ANKS1B: variants seen among roughly 807,000 people sequenced by gnomAD.
ANKS1B encodes ankyrin repeat and sterile alpha motif domain containing 1B.
In ANKS1B, 36 loss-of-function variants were observed where a neutral mutation model predicts 148.3. The observed-to-expected ratio is 0.24, with a 90% confidence interval of 0.19 to 0.32. The LOEUF is 0.32. Ranked by LOEUF, ANKS1B falls within the 10% of genes least tolerant of loss-of-function variation. The pLI is 1.00. For missense variants in ANKS1B, 1,157 were observed against 1,542.6 expected, an observed-to-expected ratio of 0.75 and a Z score of 4.19; for synonymous variants, 542 against 560.8, an observed-to-expected ratio of 0.97 and a Z score of 0.47.
chr12:99,033,406 T>C (rs1296628758), intron 17 of ANKS1B, among the ~76,000 whole-genome samples: 1 of 152,252 alleles, frequency 6.6e-6, no homozygotes, highest in Non-Finnish European at 1.5e-5. Flanking sequence ...TTGTGTAATG[T>C]GCCATTTATA....
At chr12:99,439,079 A>G (rs1199534606) in intron 11 of ANKS1B, among the ~76,000 whole-genome samples, 2 of 151,842 alleles carry the variant, frequency 1.3e-5, no homozygotes, top group African/African-American at 4.8e-5. Flanking sequence ...TGAAAGCAAT[A>G]AATAATACTA....
At chr12:99,800,956 G>A (rs777387865) in intron 4 of ANKS1B, among the ~76,000 whole-genome samples, 44 of 152,114 alleles carry the variant, frequency 2.9e-4, no homozygotes, top group Admixed American at 9.8e-4. Context: ...GGGACACTCC[G>A]ATGCTTAGAG....
intron 1 of ANKS1B, among the ~76,000 whole-genome samples, chr12:99,969,654 A>G (rs2095534401): frequency 6.6e-6 from 1 of 152,234 alleles, no homozygotes; most frequent in Non-Finnish European, 1.5e-5. Context: ...ATAATTGAGA[A>G]CTATGTAGGA....
intron 15 of ANKS1B, among the ~76,000 whole-genome samples, chr12:99,139,820 G>C (rs1233528374): frequency 1.3e-5 from 2 of 151,932 alleles, no homozygotes; most frequent in African/African-American, 4.8e-5. Flanking sequence ...TGTTCCCTTA[G>C]GAATGAATGG....
intron 8 of ANKS1B, among the ~76,000 whole-genome samples, chr12:99,701,090 T>A (rs1246506367): frequency 6.6e-6 from 1 of 152,206 alleles, no homozygotes; most frequent in Non-Finnish European, 1.5e-5. Context: ...CACACTTCAA[T>A]AATTGTTTCT....
intron 17 of ANKS1B, among the ~76,000 whole-genome samples, chr12:98,936,341 C>G (rs776549099): frequency 3.3e-5 from 5 of 152,138 alleles, no homozygotes; most frequent in Non-Finnish European, 7.4e-5. Flanking sequence ...TAAAAATGAA[C>G]AATTTGGCTG....
At chr12:99,801,641 T>G (rs1170357621) in intron 4 of ANKS1B, among the ~76,000 whole-genome samples, 2 of 152,054 alleles carry the variant, frequency 1.3e-5, no homozygotes, top group African/African-American at 4.8e-5. Flanking sequence ...AAGGGGATGG[T>G]AAGGAGAAGG....
chr12:99,053,901 T>G (rs900103741), intron 16 of ANKS1B, among the ~76,000 whole-genome samples: 3 of 152,180 alleles, frequency 2.0e-5, no homozygotes, highest in African/African-American at 7.2e-5. Flanking sequence ...TAGACATGAA[T>G]AGAGAACTTG....
At chr12:99,467,287 T>A (rs1210950425) in intron 10 of ANKS1B, among the ~76,000 whole-genome samples, 2 of 152,152 alleles carry the variant, frequency 1.3e-5, no homozygotes, top group Non-Finnish European at 2.9e-5. Context: ...ATGGGTTGTA[T>A]CGCAAAATAA....
intron 14 of ANKS1B, 28 bp downstream of exon 14, chr12:99,244,314 A>T (rs771233746): frequency 3.5e-5 from 53 of 1,520,512 alleles, no homozygotes; most frequent in Non-Finnish European, 4.2e-5. Context: ...ACATTTATTC[A>T]TTATAATGTA....
At chr12:99,645,378 T>C (rs10467010) in intron 9 of ANKS1B, among the ~76,000 whole-genome samples, 85,407 of 152,016 alleles carry the variant, frequency 0.56, 24,720 homozygotes, top group Admixed American at 0.65. Context: ...TTCATTGTTA[T>C]GGTTCAGAGT....
chr12:99,672,946 T>A (rs2098545293), intron 8 of ANKS1B, among the ~76,000 whole-genome samples: 1 of 152,018 alleles, frequency 6.6e-6, no homozygotes, highest in Non-Finnish European at 1.5e-5. Context: ...CATTATGAAA[T>A]TTAAACTATT....
intron 12 of ANKS1B, among the ~76,000 whole-genome samples, chr12:99,275,490 G>T (rs2077564768): frequency 6.6e-6 from 1 of 152,170 alleles, no homozygotes; most frequent in Non-Finnish European, 1.5e-5. Context: ...ACATCCTCCA[G>T]TTCCATCTGT....
intron 9 of ANKS1B, among the ~76,000 whole-genome samples, chr12:99,513,430 C>G (rs532416704): frequency 2.6e-5 from 4 of 152,016 alleles, no homozygotes; most frequent in East Asian, 3.9e-4. Flanking sequence ...ATTAGTGGAG[C>G]GTTTAAATTG....
At chr12:98,924,696 C>A (rs1426254246) in intron 17 of ANKS1B, among the ~76,000 whole-genome samples, 1 of 152,168 alleles carries the variant, frequency 6.6e-6, no homozygotes, top group East Asian at 1.9e-4. Context: ...CTTATGGTGT[C>A]AGAAGAAAAT....
chr12:99,106,847 T>C (rs1241228240), intron 15 of ANKS1B, among the ~76,000 whole-genome samples: 2 of 152,214 alleles, frequency 1.3e-5, no homozygotes, highest in African/African-American at 2.4e-5. Context: ...AGAATCATGA[T>C]TTATATTCTG....
intron 12 of ANKS1B, among the ~76,000 whole-genome samples, chr12:99,386,500 G>T (rs1567002932): frequency 6.6e-6 from 1 of 151,694 alleles, no homozygotes; most frequent in South Asian, 2.1e-4. Flanking sequence ...AAAAAAAAAA[G>T]CCATGCTATG....
intron 16 of ANKS1B, among the ~76,000 whole-genome samples, chr12:99,058,223 T>G (rs1026436153): frequency 6.7e-6 from 1 of 150,244 alleles, no homozygotes; most frequent in Non-Finnish European, 1.5e-5. Context: ...AAACTCTGCA[T>G]GCCACATCTT....
intron 17 of ANKS1B, among the ~76,000 whole-genome samples, chr12:99,035,381 G>T (rs966841981): frequency 2.0e-5 from 3 of 152,106 alleles, no homozygotes; most frequent in Non-Finnish European, 4.4e-5. Context: ...ATGCTCAGGG[G>T]GGCCAAGAAG....
Sources: allele counts gnomAD v4.1 joint callset (sites outside exome capture counted in the v4.1 genomes callset), GRCh38; gene constraint gnomAD v4.1.1; transcripts MANE v1.5; gene names NCBI Gene and HGNC (gene_info 2026-07-23, HGNC 2026-07-21).